Variants in PRKX observed in about 807,000 individuals in gnomAD.
The protein encoded by PRKX is protein kinase cAMP-dependent X-linked catalytic subunit, also known as cAMP-dependent protein kinase catalytic subunit PRKX.
A neutral mutation model predicts 22.0 loss-of-function variants in PRKX; 12 were observed. The ratio of observed to expected loss-of-function variants is 0.54; its 90% CI spans 0.35 to 0.88. The LOEUF is 0.88. Among genes scored for constraint, PRKX ranks in the 40% least tolerant of loss-of-function variants. The pLI, the probability that PRKX is intolerant of heterozygous loss-of-function variation, is 0.01. For missense variants in PRKX, 217 were observed against 308.0 expected (o/e 0.70, Z 2.21); for synonymous variants, 134 against 137.7 (o/e 0.97, Z 0.19).
At chrX:3,631,227 T>C (rs1312704208) in intron 4 of PRKX, among the ~76,000 whole-genome samples, 2 of 112,263 alleles carry the variant, frequency 1.8e-5, no homozygotes, top group Admixed American at 1.9e-4. Context: ...ATCCATGATC[T>C]TACCCCAACA....
chrX:3,621,425 G>T, intron 5 of PRKX, 109 bp from the exon 6 acceptor site: 1 of 688,496 alleles, frequency 1.5e-6, no homozygotes, highest in Non-Finnish European at 2.2e-6. Flanking sequence ...GAGGACCGCA[G>T]TTCAATTTCC....
chrX:3,663,457 CACACACACACAAAA>C (rs1488229314), intron 2 of PRKX, among the ~76,000 whole-genome samples: 84 of 79,765 alleles, frequency 1.1e-3, no homozygotes, highest in Non-Finnish European at 1.6e-3. Flanking sequence ...CACACACACA[CACACACACACAAAA>C]AAATTCAATT....
At chrX:3,702,671 T>G (rs1181203254) in intron 1 of PRKX, among the ~76,000 whole-genome samples, 2 of 101,311 alleles carry the variant, frequency 2.0e-5, no homozygotes, top group African/African-American at 3.7e-5. Context: ...GAAGACATTG[T>G]ATAGAAGGAA....
chrX:3,689,794 G>T (rs77593553), intron 1 of PRKX, among the ~76,000 whole-genome samples: 2 of 111,007 alleles, frequency 1.8e-5, no homozygotes, highest in Non-Finnish European at 3.8e-5. Context: ...TGGCTAACAC[G>T]GTGAAACCCT....
At chrX:3,685,434 A>G (rs1231641041) in intron 1 of PRKX, among the ~76,000 whole-genome samples, 1 of 111,359 alleles carries the variant, frequency 9.0e-6, no homozygotes, top group African/African-American at 3.3e-5. Flanking sequence ...GACCTTGACA[A>G]GCCCCCTAAC....
chrX:3,665,154 G>GTCCT (rs1722777054), intron 2 of PRKX, among the ~76,000 whole-genome samples: 2 of 111,716 alleles, frequency 1.8e-5, no homozygotes, highest in African/African-American at 6.5e-5. Flanking sequence ...GCACGTGTGT[G>GTCCT]TGCTTGTGTG....
intron 1 of PRKX, among the ~76,000 whole-genome samples, chrX:3,692,041 TA>T (rs1230445670): frequency 1.0e-5 from 1 of 98,787 alleles, no homozygotes; most frequent in Non-Finnish European, 2.0e-5. Context: ...GATGGTTAGA[TA>T]ATTGATAGGT....
Position 3,655,358 on chromosome X carries a change from C to T in PRKX, c.390G>A (p.Pro130=), listed in dbSNP as rs143341482. Reference sequence around the variant, plus strand: ...GCAGGTAGCTGAAGAGCTCGCCGCCCGGCACGTACTCCATGAGCATGTAGA... The same window carrying T: ...GCAGGTAGCTGAAGAGCTCGCCGCCTGGCACGTACTCCATGAGCATGTAGA... ...RFLYMLMEYV[P]GGELFSYLRN... The change falls in exon 3 of 9, where the codon CCG becomes CCA. Residue 130 remains proline (P), a synonymous_variant. Transcript: ENST00000262848. 4.0e-4 allele frequency: 490 copies of T among 1,210,768 alleles called. No homozygotes were observed. Among genetic ancestry groups the T allele is most frequent in the Non-Finnish European group, 5.0e-4 (444 of 895,400 alleles).
intron 2 of PRKX, among the ~76,000 whole-genome samples, chrX:3,670,012 G>A (rs1157502066): frequency 1.8e-5 from 2 of 111,982 alleles, no homozygotes; most frequent in African/African-American, 3.2e-5. Flanking sequence ...GGAGCCCAGG[G>A]ACACTCCCCA....
intron 2 of PRKX, among the ~76,000 whole-genome samples, chrX:3,663,469 A>ACACACACACACACACAC (rs1569054438): frequency 1.8e-3 from 93 of 52,842 alleles, no homozygotes; most frequent in Non-Finnish European, 2.6e-3. Flanking sequence ...CACACACACA[A>ACACACACACACACACAC]AAAAATTCAA....
chrX:3,701,697 G>T (rs1037081136), intron 1 of PRKX, among the ~76,000 whole-genome samples: 1 of 111,545 alleles, frequency 9.0e-6, no homozygotes, highest in Non-Finnish European at 1.9e-5. Flanking sequence ...GGATGAGATA[G>T]GAGGTCAGCA....
intron 1 of PRKX, among the ~76,000 whole-genome samples, chrX:3,677,737 G>A (rs1394952892): frequency 1.8e-5 from 2 of 111,785 alleles, no homozygotes; most frequent in Middle Eastern, 4.6e-3. Context: ...GGCAGACTGG[G>A]AAGGGAGGAG....
intron 2 of PRKX, among the ~76,000 whole-genome samples, chrX:3,662,131 G>A (rs1927607837): frequency 9.0e-6 from 1 of 111,481 alleles, no homozygotes; most frequent in Non-Finnish European, 1.9e-5. Flanking sequence ...GCTTGATGTG[G>A]AACAGACATT....
chrX:3,659,698 T>C (rs191786823), intron 2 of PRKX, among the ~76,000 whole-genome samples: 2 of 103,430 alleles, frequency 1.9e-5, no homozygotes, highest in East Asian at 3.1e-4. Context: ...AAGTATTTTG[T>C]TGGAGTGGTG....
intron 1 of PRKX, among the ~76,000 whole-genome samples, chrX:3,703,621 GC>G (rs773804539): frequency 9.2e-6 from 1 of 108,631 alleles, no homozygotes; most frequent in Admixed American, 9.9e-5. Flanking sequence ...TGGGAGAATT[GC>G]TGGGAGGCTT....
Position 3,605,758 on chromosome X carries a change from G to A in PRKX, c.*3211C>T, listed in dbSNP as rs769835892. 5 of 112,364 alleles carry A rather than the reference G, an allele frequency of 4.4e-5. No individual in the cohort carries two copies. Among genetic ancestry groups the A allele is most frequent in the Non-Finnish European group, 9.4e-5 (5 of 53,300 alleles). 9.3% of individuals were successfully genotyped at this position (112,364 alleles called of 1,213,427 possible). Reference sequence around the variant, plus strand: ...TTCAGTAACAAGTGATTGTGCAGTTGTTTGATGGGCATGGAGAGGGAGTGG... The same window carrying A: ...TTCAGTAACAAGTGATTGTGCAGTTATTTGATGGGCATGGAGAGGGAGTGG... On this transcript the variant is annotated 3_prime_UTR_variant, in exon 9 of 9. Transcript: ENST00000262848.
At chrX:3,691,609 G>T (rs906391813) in intron 1 of PRKX, among the ~76,000 whole-genome samples, 1 of 111,464 alleles carries the variant, frequency 9.0e-6, no homozygotes, top group Non-Finnish European at 1.9e-5. Flanking sequence ...GGAGCTGGAT[G>T]ATTCTCTGTG....
intron 1 of PRKX, among the ~76,000 whole-genome samples, chrX:3,704,594 GACGTCAATGCTGCAGTGACACC>G (rs1471181316): frequency 9.0e-6 from 1 of 110,730 alleles, no homozygotes; most frequent in African/African-American, 3.3e-5. Flanking sequence ...TTGAGCCTGG[GACGTCAATGCTGCAGTGACACC>G]ACGTCACTGC....
chrX:3,646,699 C>CT (rs930888711), intron 3 of PRKX, among the ~76,000 whole-genome samples: 3 of 108,847 alleles, frequency 2.8e-5, no homozygotes, highest in Non-Finnish European at 3.8e-5. Flanking sequence ...ATTTTGTCAT[C>CT]TTTTTTTTTA....
Sources: allele counts gnomAD v4.1 joint callset (sites outside exome capture counted in the v4.1 genomes callset), GRCh38; gene constraint gnomAD v4.1.1; transcripts MANE v1.5; gene names NCBI Gene and HGNC (gene_info 2026-07-23, HGNC 2026-07-21).